Variants in LGR5 observed in about 807,000 individuals in gnomAD.
The protein encoded by LGR5 is leucine rich repeat containing G protein-coupled receptor 5.
Under a neutral mutation model 76.7 loss-of-function variants are expected in LGR5, and 54 were observed. The observed-to-expected ratio is 0.70, with a 90% CI of 0.57 to 0.88. LGR5 has a LOEUF of 0.88. Among genes scored for constraint, LGR5 ranks in the 40% least tolerant of loss-of-function variants. The pLI, the probability that LGR5 is intolerant of heterozygous loss-of-function variation, is 0.00. For synonymous variants in LGR5, 406 were observed against 421.9 expected (o/e 0.96, Z 0.46); for missense variants, 1,078 against 1,073.3 (o/e 1.00, Z -0.06).
At chr12:71,535,600 GT>G (rs1204447191) in intron 4 of LGR5, among the ~76,000 whole-genome samples, 3 of 152,052 alleles carry the variant, frequency 2.0e-5, no homozygotes, top group Non-Finnish European at 4.4e-5. Flanking sequence ...TTGTAATCAA[GT>G]TTTTTCGAGT....
At chr12:71,559,068 G>A (rs1439697472) in intron 6 of LGR5, among the ~76,000 whole-genome samples, 1 of 152,106 alleles carries the variant, frequency 6.6e-6, no homozygotes. Context: ...CAGAAGCAAG[G>A]TTCATCCTGG....
intron 8 of LGR5, 35 bp from the exon 9 acceptor site, chr12:71,566,369 A>G: frequency 5.2e-6 from 7 of 1,337,284 alleles, no homozygotes; most frequent in African/African-American, 2.8e-5. Flanking sequence ...CAAATTTTAT[A>G]CTAAGATATT....
chr12:71,559,726 G>T, intron 7 of LGR5, 72 bp downstream of exon 7: 1 of 828,222 alleles, frequency 1.2e-6, no homozygotes, highest in South Asian at 1.6e-5. Context: ...ACATGTGATT[G>T]TTTTACATAA....
At chr12:71,447,527 A>G (rs1872054599) in intron 1 of LGR5, among the ~76,000 whole-genome samples, 1 of 152,238 alleles carries the variant, frequency 6.6e-6, no homozygotes. Flanking sequence ...AATTTATTCA[A>G]CAATCTCTAA....
intron 1 of LGR5, among the ~76,000 whole-genome samples, chr12:71,482,078 T>A (rs911455140): frequency 2.1e-4 from 32 of 152,224 alleles, no homozygotes; most frequent in African/African-American, 7.0e-4. Context: ...TACTTCAGAT[T>A]CCCTCTTTTG....
chr12:71,486,338 C>G (rs183202506), intron 1 of LGR5, among the ~76,000 whole-genome samples: 1 of 152,200 alleles, frequency 6.6e-6, no homozygotes, highest in African/African-American at 2.4e-5. Flanking sequence ...CTGAGCCCGA[C>G]AGCAATCGTT....
rs1399535688 is a variant in LGR5, at chr12:71,572,919, G to A, written c.1206G>A (p.Ser402=). The change falls in exon 13 of 18, where the codon TCG becomes TCA. Residue 402 remains serine (S), a splice_region_variant and synonymous_variant. Coordinates refer to ENST00000266674, the MANE Select transcript of LGR5 (RefSeq NM_003667.4). Reference sequence around the variant, plus strand: ...TCCAGCAGTTGCTTAGCCTCCGATCGCTGTGAGTATCACCTCCCAGTGCGT... The same window carrying A: ...TCCAGCAGTTGCTTAGCCTCCGATCACTGTGAGTATCACCTCCCAGTGCGT... ...DTFQQLLSLR[S]LNLAWNKIAI... 2 of 1,611,080 alleles carry A rather than the reference G, an allele frequency of 1.2e-6. No homozygotes were observed. The highest frequency in any genetic ancestry group is 2.2e-5 in the East Asian group (1 of 44,842).
At chr12:71,574,482 A>C (rs1218790246) in intron 13 of LGR5, among the ~76,000 whole-genome samples, 1 of 152,024 alleles carries the variant, frequency 6.6e-6, no homozygotes, top group Non-Finnish European at 1.5e-5. Context: ...CCGCAGGCCC[A>C]TTAATGATTC....
At chr12:71,449,989 G>T (rs1565848270) in intron 1 of LGR5, among the ~76,000 whole-genome samples, 1 of 152,176 alleles carries the variant, frequency 6.6e-6, no homozygotes, top group African/African-American at 2.4e-5. Context: ...GGATTTCAGT[G>T]CATCAAAAGC....
At chr12:71,526,947 A>G (rs1876038216) in intron 3 of LGR5, among the ~76,000 whole-genome samples, 1 of 152,184 alleles carries the variant, frequency 6.6e-6, no homozygotes, top group Non-Finnish European at 1.5e-5. Flanking sequence ...GCAGGTTAGT[A>G]CTTGAGCATT....
intron 1 of LGR5, among the ~76,000 whole-genome samples, chr12:71,483,996 G>A (rs1873722328): frequency 6.6e-6 from 1 of 152,010 alleles, no homozygotes; most frequent in Non-Finnish European, 1.5e-5. Context: ...AAGCTGGTTT[G>A]GAGAAAAAAG....
In LGR5 at chr12:71,440,316, C is replaced by A. The variant is rs201324217; in HGVS notation, c.212+24C>A. The A allele has an allele frequency of 1.3e-6, 2 of 1,596,438 alleles. No homozygotes were observed. The highest frequency in any genetic ancestry group is 4.5e-5 in the East Asian group (2 of 44,798). ...CTGTAAGTACTTCCCCACGTCACTC[C>A]GGGAGAGAGACTAAGAGGGGAAGGA... On this transcript the variant is annotated intron_variant, in intron 1 of 17. Coordinates refer to ENST00000266674, the MANE Select transcript of LGR5 (RefSeq NM_003667.4). This position sits in a 1 kb window ranked among gnomAD's most constrained non-coding sequence, Gnocchi z 5.3.
intron 2 of LGR5, among the ~76,000 whole-genome samples, chr12:71,518,242 G>GA (rs553680012): frequency 1.3e-5 from 2 of 151,948 alleles, no homozygotes; most frequent in Non-Finnish European, 2.9e-5. Flanking sequence ...ACAAGTATAT[G>GA]AAAAAAAAGC....
In LGR5 at chr12:71,517,845, A is replaced by C. The variant is rs141303056; in HGVS notation, c.285-6561A>C. Among the ~76,000 whole-genome samples the C allele has an allele frequency of 3.5e-3, 534 of 152,326 alleles. 5 individuals carry two copies. Among genetic ancestry groups the C allele is most frequent in the African/African-American group, 0.012 (517 of 41,580 alleles). On this transcript the variant is annotated intron_variant, in intron 2 of 17. Transcript: ENST00000266674. ...ACATCGCATTTTGGATAACTAATCA[A>C]ATGCATGTGGATTATACATAATGTA... is the stretch of plus-strand genomic sequence containing the variant.
At chr12:71,518,097 T>C (rs1352480803) in intron 2 of LGR5, among the ~76,000 whole-genome samples, 2 of 152,134 alleles carry the variant, frequency 1.3e-5, no homozygotes, top group South Asian at 2.1e-4. Context: ...CATTGAAAAT[T>C]TTGGCAAACT....
At chr12:71,453,259 A>G (rs1033079666) in intron 1 of LGR5, among the ~76,000 whole-genome samples, 2 of 152,188 alleles carry the variant, frequency 1.3e-5, no homozygotes. Context: ...AAAGATTATG[A>G]GTTTTAAATG....
chr12:71,441,114 C>T lies in LGR5; in HGVS notation c.212+822C>T, dbSNP rs564068909. ...AGGGAGACCTGAAGCTCTCTATCAT[C>T]CCTGGGGGATTCTCCCACCCCTTCT... is the stretch of plus-strand genomic sequence containing the variant. On this transcript the variant is annotated intron_variant, in intron 1 of 17. Coordinates refer to ENST00000266674, the MANE Select transcript of LGR5 (RefSeq NM_003667.4). Among the ~76,000 whole-genome samples, 4 of 152,250 alleles carry T rather than the reference C, an allele frequency of 2.6e-5. No homozygotes were observed. In the South Asian group the frequency reaches 6.2e-4, roughly 24 times the overall value.
chr12:71,450,525 G>A (rs1417832082), intron 1 of LGR5, among the ~76,000 whole-genome samples: 1 of 152,072 alleles, frequency 6.6e-6, no homozygotes, highest in African/African-American at 2.4e-5. Context: ...GCCCAGGCTG[G>A]TCTCGAACTC....
intron 8 of LGR5, among the ~76,000 whole-genome samples, chr12:71,563,568 C>G (rs1258847907): frequency 6.6e-6 from 1 of 152,166 alleles, no homozygotes; most frequent in Admixed American, 6.5e-5. Flanking sequence ...TCAACCAGTT[C>G]CCCAAAGCTC....
Sources: allele counts gnomAD v4.1 joint callset (sites outside exome capture counted in the v4.1 genomes callset), GRCh38; gene constraint gnomAD v4.1.1; non-coding constraint Gnocchi (gnomAD v3.1); transcripts MANE v1.5; gene names NCBI Gene and HGNC (gene_info 2026-07-23, HGNC 2026-07-21).